Variants in SPICE1 observed in about 807,000 individuals in gnomAD.
The protein encoded by SPICE1 is spindle and centriole-associated protein 1.
Under a neutral mutation model 102.7 loss-of-function variants are expected in SPICE1, and 75 were observed. The ratio of observed to expected loss-of-function variants is 0.73; its 90% CI spans 0.61 to 0.88. SPICE1 has a LOEUF of 0.88. SPICE1 is among the 40% of genes least tolerant of loss of function. SPICE1 has a pLI of 0.00. For missense variants in SPICE1, 979 were observed against 1,020.1 expected, an observed-to-expected ratio of 0.96 and a Z score of 0.55; for synonymous variants, 308 against 350.3, an observed-to-expected ratio of 0.88 and a Z score of 1.35.
At chr3:113,450,202 T>C (rs1019845532) in intron 15 of SPICE1, 134 bp downstream of exon 15, 14 of 912,008 alleles carry the variant, frequency 1.5e-5, no homozygotes, top group Admixed American at 8.9e-5. Context: ...GTTAGGGCTA[T>C]TTCTTTCTGT....
chr3:113,496,517 G>C (rs1352025569), intron 4 of SPICE1, among the ~76,000 whole-genome samples: 1 of 152,166 alleles, frequency 6.6e-6, no homozygotes, highest in Non-Finnish European at 1.5e-5. Flanking sequence ...GAGGCTTTAG[G>C]AGTTATTACA....
Position 113,486,706 on chromosome 3 carries a change from T to G in SPICE1, c.611+2239A>C, listed in dbSNP as rs79113345. On this transcript the variant is annotated intron_variant, in intron 7 of 17. Coordinates refer to ENST00000295872, the MANE Select transcript of SPICE1 (RefSeq NM_144718.4). ...GATATGTTAATTACCCCAATCTGAT[T>G]ACTATACATTATATGTATCAAAACA... Among the ~76,000 whole-genome samples, 675 of 151,872 alleles carry G rather than the reference T, an allele frequency of 4.4e-3. 5 individuals are homozygous for G. Among genetic ancestry groups the G allele is most frequent in the African/African-American group, 0.016 (656 of 41,498 alleles).
intron 14 of SPICE1, among the ~76,000 whole-genome samples, chr3:113,451,096 C>T (rs1031506903): frequency 6.6e-6 from 1 of 152,138 alleles, no homozygotes; most frequent in Non-Finnish European, 1.5e-5. Flanking sequence ...AAAAGAGGAT[C>T]TGCTATCTTG....
intron 4 of SPICE1, among the ~76,000 whole-genome samples, chr3:113,498,550 A>C (rs1400027331): frequency 6.6e-6 from 1 of 152,244 alleles, no homozygotes; most frequent in East Asian, 1.9e-4. Context: ...GTAAAGAAGC[A>C]TTCTCTCAAT....
chr3:113,514,681 C>T (rs1486569757), intron 1 of SPICE1: 2 of 964,834 alleles, frequency 2.1e-6, no homozygotes, highest in Admixed American at 2.3e-5. Context: ...TGAGAAGCCC[C>T]TCTGACATCC....
At chr3:113,494,221 G>C in intron 4 of SPICE1, 79 bp from the exon 5 acceptor site, 2 of 957,642 alleles carry the variant, frequency 2.1e-6, no homozygotes, top group Non-Finnish European at 3.1e-6. Context: ...ACCATAAAAA[G>C]GCCTGGAGCA....
chr3:113,451,748 A>G (rs1935657865), intron 14 of SPICE1, among the ~76,000 whole-genome samples: 1 of 152,134 alleles, frequency 6.6e-6, no homozygotes, highest in African/African-American at 2.4e-5. Context: ...ACCACTACCA[A>G]TGGCTGGCTG....
At position 113,491,001 on chromosome 3, in the gene SPICE1, T is replaced by G. The variant is rs79097543; in HGVS notation, c.493-1938A>C. On this transcript the variant is annotated intron_variant, in intron 6 of 17. Coordinates refer to ENST00000295872, the MANE Select transcript of SPICE1 (RefSeq NM_144718.4). ...TCTCTCCAGTCTTGTCCCTCCCCAA[T>G]CCATCTTCCACACTATACTGGATCT... Among the ~76,000 whole-genome samples, 1,219 of 152,234 alleles carry G rather than the reference T, an allele frequency of 8.0e-3. 12 individuals carry two copies. Among genetic ancestry groups the G allele is most frequent in the Non-Finnish European group, 0.014 (964 of 68,000 alleles).
intron 15 of SPICE1, chr3:113,449,352 GTA>G (rs1166652571): frequency 6.7e-6 from 1 of 148,620 alleles, no homozygotes; most frequent in East Asian, 1.9e-4. Flanking sequence ...TTCGCACATA[GTA>G]CATGTTCATA....
chr3:113,509,497 T>C (rs1206936569), intron 1 of SPICE1, among the ~76,000 whole-genome samples: 2 of 152,202 alleles, frequency 1.3e-5, no homozygotes, highest in Non-Finnish European at 2.9e-5. Flanking sequence ...TGTTAGAATA[T>C]AGGCATTATT....
intron 2 of SPICE1, among the ~76,000 whole-genome samples, chr3:113,503,930 C>CAAA (rs1559977007): frequency 4.1e-5 from 3 of 73,366 alleles, no homozygotes; most frequent in Non-Finnish European, 7.3e-5. Flanking sequence ...GAGTTTCTAT[C>CAAA]TAAAAAAAAA....
intron 7 of SPICE1, among the ~76,000 whole-genome samples, chr3:113,471,930 C>T (rs900086991): frequency 1.5e-4 from 23 of 152,128 alleles, no homozygotes; most frequent in African/African-American, 4.6e-4. Flanking sequence ...GAGTGCCAGA[C>T]GGTGAGCGCA....
In SPICE1 at chr3:113,492,193, T is replaced by A. The variant is rs562685588; in HGVS notation, c.492+1013A>T. 4.6e-5 allele frequency among the ~76,000 whole-genome samples: 7 copies of A among 152,356 alleles called. No individual in the cohort carries two copies. The South Asian group carries it at 1.4e-3, about 32-fold the overall frequency. ...TTGCCGGAAATATGGTAAAAGGTTT[T>A]TGGCTATTTAAAATATGTGTAACAT... On this transcript the variant is annotated intron_variant, in intron 6 of 17. Coordinates refer to ENST00000295872, the MANE Select transcript of SPICE1 (RefSeq NM_144718.4).
In SPICE1 at chr3:113,509,853, T is replaced by C. The variant is rs116013960; in HGVS notation, c.1-3248A>G. Among the ~76,000 whole-genome samples the C allele has an allele frequency of 8.4e-3, 1,283 of 152,248 alleles. 24 individuals carry two copies. The highest frequency in any genetic ancestry group is 0.029 in the African/African-American group (1,212 of 41,546). Reference sequence around the variant, plus strand: ...TTCATGATAGTGAATTCTCATGAGATCTGATGGGTTTATAAGTGTCTGGCA... The same window carrying C: ...TTCATGATAGTGAATTCTCATGAGACCTGATGGGTTTATAAGTGTCTGGCA... On this transcript the variant is annotated intron_variant, in intron 1 of 17. Coordinates refer to ENST00000295872, the MANE Select transcript of SPICE1 (RefSeq NM_144718.4).
rs780757903 is a variant in SPICE1, at chr3:113,453,484, A to T, written c.2124T>A (p.Ser708Arg). The T allele has an allele frequency of 2.2e-5, 36 of 1,608,084 alleles. No individual in the cohort carries two copies. The highest frequency in any genetic ancestry group is 2.6e-5 in the Non-Finnish European group (30 of 1,176,038). The change falls in exon 14 of 18, where the codon AGT becomes AGA. Residue 708 changes from serine to arginine, a missense_variant. Ser to Arg is a moderately radical substitution (Grantham distance 110, BLOSUM62 -1). Coordinates refer to ENST00000295872, the MANE Select transcript of SPICE1 (RefSeq NM_144718.4). Reference sequence around the variant, plus strand: ...TACTCACAGAAGTCATGTCACTTGCACTTTCTTGTTTGTTCAACTCCCGGA... The same window carrying T: ...TACTCACAGAAGTCATGTCACTTGCTCTTTCTTGTTTGTTCAACTCCCGGA... ...DGLRELNKQESASDMTSTFPV... is the reference protein window; with the variant it reads ...DGLRELNKQERASDMTSTFPV...
chr3:113,514,492 C>A (rs998419478), intron 1 of SPICE1: 1 of 378,810 alleles, frequency 2.6e-6, no homozygotes, highest in Non-Finnish European at 5.3e-6. Flanking sequence ...CCCATATGGC[C>A]CGGCTGACTT....
intron 7 of SPICE1, among the ~76,000 whole-genome samples, chr3:113,470,008 C>T (rs1048332457): frequency 6.6e-6 from 1 of 152,164 alleles, no homozygotes; most frequent in Non-Finnish European, 1.5e-5. Context: ...AGAAGAGATG[C>T]TGCAGTTTAG....
intron 16 of SPICE1, among the ~76,000 whole-genome samples, chr3:113,446,934 T>C (rs752389896): frequency 2.0e-5 from 3 of 152,164 alleles, no homozygotes; most frequent in Admixed American, 6.5e-5. Context: ...TCGCCCATGT[T>C]GTGGGAGGGA....
At chr3:113,475,634 G>A (rs1248202446) in intron 7 of SPICE1, among the ~76,000 whole-genome samples, 7 of 151,904 alleles carry the variant, frequency 4.6e-5, no homozygotes, top group Non-Finnish European at 5.9e-5. Context: ...TTCAATATAC[G>A]CAAATCAATA....
Sources: gnomAD v4.1 joint callset for allele counts (sites outside exome capture counted in the v4.1 genomes callset) on GRCh38, gnomAD v4.1.1 for gene constraint, MANE v1.5 for transcripts, NCBI Gene and HGNC (gene_info 2026-07-23, HGNC 2026-07-21) for gene names.